The following SPOCK3 variants were observed in gnomAD, a reference collection of about 807,000 sequenced individuals.
SPOCK3 encodes SPARC (osteonectin), cwcv and kazal like domains proteoglycan 3, also known as testican-3.
A neutral mutation model predicts 56.6 loss-of-function variants in SPOCK3; 30 were observed. That is an observed-to-expected ratio of 0.53 (90% CI 0.40 to 0.72). The LOEUF (loss-of-function observed/expected upper bound fraction) is 0.72. Among genes scored for constraint, SPOCK3 ranks in the 30% least tolerant of loss-of-function variants. SPOCK3 has a pLI of 0.00. For synonymous variants in SPOCK3, 196 were observed against 183.3 expected, an observed-to-expected ratio of 1.07 and a Z score of -0.56; for missense variants, 527 against 530.0, an observed-to-expected ratio of 0.99 and a Z score of 0.06.
At chr4:166,842,168 G>A (rs1747479155) in intron 6 of SPOCK3, among the ~76,000 whole-genome samples, 1 of 152,362 alleles carries the variant, frequency 6.6e-6, no homozygotes, top group Admixed American at 6.5e-5. Flanking sequence ...GACCCAAAGA[G>A]TGAGCAGCAG....
At chr4:166,789,346 C>T (rs1741081873) in intron 7 of SPOCK3, among the ~76,000 whole-genome samples, 1 of 151,812 alleles carries the variant, frequency 6.6e-6, no homozygotes, top group African/African-American at 2.4e-5. Context: ...GGAGAATCAC[C>T]TGAACACTGG....
At chr4:167,182,196 C>G (rs1007695649) in intron 2 of SPOCK3, among the ~76,000 whole-genome samples, 1 of 151,726 alleles carries the variant, frequency 6.6e-6, no homozygotes, top group Non-Finnish European at 1.5e-5. Context: ...TTTTTTTTCC[C>G]TTGGTTATCA....
At chr4:167,057,720 T>G (rs1220054390) in intron 3 of SPOCK3, among the ~76,000 whole-genome samples, 3 of 152,120 alleles carry the variant, frequency 2.0e-5, no homozygotes, top group African/African-American at 4.8e-5. Flanking sequence ...AGGGATCAAT[T>G]CAACAAGAAG....
In SPOCK3 at chr4:166,826,010, C is replaced by T. The variant is rs149073932; in HGVS notation, c.590-33721G>A. Among the ~76,000 whole-genome samples the T allele has an allele frequency of 5.1e-3, 780 of 152,020 alleles. 5 individuals carry two copies. Among genetic ancestry groups the T allele is most frequent in the African/African-American group, 0.018 (729 of 41,480 alleles). ...ACCACTAAATAACTTATCCATGTAA[C>T]CAAAACCACCTGTTCCCCAAAAACT... On this transcript the variant is annotated intron_variant, in intron 6 of 10. Transcript: ENST00000357545.
At chr4:166,769,989 T>G (rs571061446) in intron 7 of SPOCK3, among the ~76,000 whole-genome samples, 2 of 152,288 alleles carry the variant, frequency 1.3e-5, no homozygotes, top group Admixed American at 1.3e-4. Flanking sequence ...CTCCGAGCCA[T>G]GCACGGGATA....
chr4:167,053,642 G>A (rs1365285306), intron 3 of SPOCK3, among the ~76,000 whole-genome samples: 1 of 151,932 alleles, frequency 6.6e-6, no homozygotes, highest in East Asian at 1.9e-4. Context: ...CCGAGATCAG[G>A]CCACTGCACT....
At chr4:167,005,757 T>TTTG (rs996889281) in intron 3 of SPOCK3, among the ~76,000 whole-genome samples, 2 of 152,056 alleles carry the variant, frequency 1.3e-5, no homozygotes, top group African/African-American at 4.8e-5. Flanking sequence ...GGTCTTTGTT[T>TTTG]TTGTTGTTGT....
chr4:166,859,434 A>G (rs1054820005), intron 6 of SPOCK3, among the ~76,000 whole-genome samples: 6 of 152,194 alleles, frequency 3.9e-5, no homozygotes. Flanking sequence ...TGAGTTTAAA[A>G]TTGCACAAAT....
In SPOCK3 at chr4:166,741,976, G is replaced by A. The variant is rs755315362; in HGVS notation, c.994+21C>T. On this transcript the variant is annotated intron_variant, in intron 9 of 10. Transcript: ENST00000357545. ...ATTTATGTAAGCAATAAAGCCTTCA[G>A]AAGAATGATCTATTACTCACCTAGG... The A allele has an allele frequency of 3.4e-5, 53 of 1,567,676 alleles. No homozygotes were observed. The East Asian group carries it at 1.2e-3, about 35-fold the overall frequency.
At chr4:167,163,722 A>G (rs1227706932) in intron 2 of SPOCK3, among the ~76,000 whole-genome samples, 1 of 152,058 alleles carries the variant, frequency 6.6e-6, no homozygotes, top group Non-Finnish European at 1.5e-5. Flanking sequence ...CACTTAACAT[A>G]ATGTCCTCCA....
intron 2 of SPOCK3, among the ~76,000 whole-genome samples, chr4:167,092,950 T>C (rs1361513721): frequency 6.6e-6 from 1 of 152,188 alleles, no homozygotes; most frequent in Non-Finnish European, 1.5e-5. Flanking sequence ...TGCATTTCAT[T>C]TTTCCTTTTG....
intron 2 of SPOCK3, among the ~76,000 whole-genome samples, chr4:167,152,399 A>G (rs1764501534): frequency 6.6e-6 from 1 of 152,182 alleles, no homozygotes; most frequent in African/African-American, 2.4e-5. Flanking sequence ...ACCAATGCTG[A>G]TATTTTACAT....
chr4:166,949,081 A>G (rs1742159389), intron 4 of SPOCK3, among the ~76,000 whole-genome samples: 1 of 151,676 alleles, frequency 6.6e-6, no homozygotes, highest in Non-Finnish European at 1.5e-5. Flanking sequence ...TTCTCACTTC[A>G]TTTCATTCAT....
chr4:166,736,005 T>C (rs1460267634), intron 10 of SPOCK3, among the ~76,000 whole-genome samples: 2 of 152,140 alleles, frequency 1.3e-5, no homozygotes, highest in African/African-American at 4.8e-5. Flanking sequence ...ACTTTTCAAC[T>C]CCTCAAATGC....
chr4:167,012,278 C>G (rs1750155473), intron 3 of SPOCK3, among the ~76,000 whole-genome samples: 1 of 151,778 alleles, frequency 6.6e-6, no homozygotes, highest in Non-Finnish European at 1.5e-5. Flanking sequence ...AGTATATATG[C>G]AAACGTGTAA....
intron 9 of SPOCK3, among the ~76,000 whole-genome samples, chr4:166,738,163 T>C (rs17597733): frequency 0.022 from 3,345 of 152,262 alleles, 51 homozygotes; most frequent in South Asian, 0.039. Context: ...TTGACATAAA[T>C]GTGACCCACA....
intron 2 of SPOCK3, among the ~76,000 whole-genome samples, chr4:167,152,352 A>G (rs957508182): frequency 1.1e-4 from 16 of 152,356 alleles, no homozygotes; most frequent in Admixed American, 3.3e-4. Context: ...AGAGAGCCGC[A>G]AAATGATTAA....
intron 3 of SPOCK3, among the ~76,000 whole-genome samples, chr4:167,038,635 G>A (rs933821740): frequency 7.3e-6 from 1 of 137,102 alleles, no homozygotes; most frequent in Non-Finnish European, 1.5e-5. Flanking sequence ...AACAGTAAGA[G>A]CGTGGTGCAT....
At chr4:166,930,179 C>G (rs1393001642) in intron 4 of SPOCK3, among the ~76,000 whole-genome samples, 1 of 151,688 alleles carries the variant, frequency 6.6e-6, no homozygotes, top group African/African-American at 2.4e-5. Flanking sequence ...CATAACTAAT[C>G]TTTGTAAAAA....
Sources: allele counts gnomAD v4.1 joint callset (sites outside exome capture counted in the v4.1 genomes callset), GRCh38; gene constraint gnomAD v4.1.1; transcripts MANE v1.5; gene names NCBI Gene and HGNC (gene_info 2026-07-23, HGNC 2026-07-21).